Variants in CNTN5 observed in about 807,000 individuals in gnomAD.
CNTN5 encodes the protein contactin-5.
A neutral mutation model predicts 129.1 loss-of-function variants in CNTN5; 77 were observed. That is an observed-to-expected ratio of 0.60 (90% confidence interval 0.50 to 0.72). CNTN5 has a LOEUF of 0.72. Among genes scored for constraint, CNTN5 ranks in the 30% least tolerant of loss-of-function variants. The pLI, the probability that CNTN5 is intolerant of heterozygous loss-of-function variation, is 0.00. For synonymous variants in CNTN5, 509 were observed against 465.6 expected, an observed-to-expected ratio of 1.09 and a Z score of -1.20; for missense variants, 1,478 against 1,328.8, an observed-to-expected ratio of 1.11 and a Z score of -1.75.
intron 1 of CNTN5, among the ~76,000 whole-genome samples, chr11:99,318,529 A>G (rs539476062): frequency 1.3e-5 from 2 of 151,204 alleles, no homozygotes; most frequent in East Asian, 3.9e-4. Flanking sequence ...GTAATTTCAA[A>G]AACTTTTGAG....
intron 6 of CNTN5, among the ~76,000 whole-genome samples, chr11:99,878,712 C>T (rs1296085363): frequency 2.6e-5 from 4 of 151,856 alleles, no homozygotes; most frequent in African/African-American, 7.2e-5. Context: ...AAAAATTAGC[C>T]GGGCGTGGTG....
chr11:100,188,819 G>A (rs778784386), intron 13 of CNTN5, among the ~76,000 whole-genome samples: 7 of 152,044 alleles, frequency 4.6e-5, no homozygotes, highest in Non-Finnish European at 8.8e-5. Flanking sequence ...TGAAGACATC[G>A]ACTCAACCTA....
At chr11:99,659,728 C>T (rs1952526670) in intron 3 of CNTN5, among the ~76,000 whole-genome samples, 1 of 152,050 alleles carries the variant, frequency 6.6e-6, no homozygotes, top group Non-Finnish European at 1.5e-5. Flanking sequence ...GAGACCCACC[C>T]AATCATTATG....
chr11:100,048,070 G>A (rs1426560627), intron 9 of CNTN5, among the ~76,000 whole-genome samples: 1 of 152,140 alleles, frequency 6.6e-6, no homozygotes, highest in Non-Finnish European at 1.5e-5. Context: ...GGCGGAGCTT[G>A]CAGTGAGTCG....
At chr11:100,319,272 C>T (rs1951635910) in intron 21 of CNTN5, among the ~76,000 whole-genome samples, 1 of 152,006 alleles carries the variant, frequency 6.6e-6, no homozygotes, top group Non-Finnish European at 1.5e-5. Context: ...CCTGCCTCAG[C>T]CTCCCAAGTA....
chr11:99,950,603 C>G (rs1488877715), intron 7 of CNTN5, among the ~76,000 whole-genome samples: 2 of 152,178 alleles, frequency 1.3e-5, no homozygotes. Context: ...ATAGATGAAA[C>G]TTTTGACACT....
chr11:99,948,381 G>A (rs1950600137), intron 7 of CNTN5, among the ~76,000 whole-genome samples: 1 of 152,174 alleles, frequency 6.6e-6, no homozygotes, highest in African/African-American at 2.4e-5. Context: ...ATATGGTTAA[G>A]ACTTGCATGG....
intron 3 of CNTN5, among the ~76,000 whole-genome samples, chr11:99,660,383 A>T (rs1952551827): frequency 6.6e-6 from 1 of 152,144 alleles, no homozygotes; most frequent in African/African-American, 2.4e-5. Flanking sequence ...TTTAGGGTTG[A>T]TGAATATGTT....
chr11:99,552,809 T>C (rs553953811), intron 2 of CNTN5, among the ~76,000 whole-genome samples: 7 of 152,246 alleles, frequency 4.6e-5, no homozygotes, highest in Admixed American at 4.6e-4. Flanking sequence ...GATATTTCTT[T>C]CTCTCGCTGG....
At chr11:99,499,363 T>C (rs1946344054) in intron 2 of CNTN5, among the ~76,000 whole-genome samples, 1 of 152,156 alleles carries the variant, frequency 6.6e-6, no homozygotes, top group African/African-American at 2.4e-5. Flanking sequence ...CCCTCATGAA[T>C]AAGATTAAGG....
intron 1 of CNTN5, among the ~76,000 whole-genome samples, chr11:99,219,796 AAGG>A (rs1440848775): frequency 6.6e-6 from 1 of 152,012 alleles, no homozygotes. Context: ...GGATAGAAGC[AAGG>A]AGACCAGTTT....
At chr11:100,041,144 C>G (rs1303594045) in intron 9 of CNTN5, among the ~76,000 whole-genome samples, 1 of 152,120 alleles carries the variant, frequency 6.6e-6, no homozygotes, top group Non-Finnish European at 1.5e-5. Context: ...CTTAAATACA[C>G]TCTTTTTCTC....
chr11:100,285,907 C>T (rs930168712), intron 18 of CNTN5, among the ~76,000 whole-genome samples: 3 of 152,154 alleles, frequency 2.0e-5, no homozygotes, highest in Non-Finnish European at 4.4e-5. Flanking sequence ...GCGCACCGTG[C>T]GCGAGCCGAA....
At chr11:99,745,051 AG>A (rs1245920883) in intron 3 of CNTN5, among the ~76,000 whole-genome samples, 6 of 152,178 alleles carry the variant, frequency 3.9e-5, no homozygotes, top group African/African-American at 1.4e-4. Context: ...GTGGGAAAAA[AG>A]CACACGTAAG....
chr11:100,187,317 A>G (rs1948327686), intron 13 of CNTN5, among the ~76,000 whole-genome samples: 2 of 152,070 alleles, frequency 1.3e-5, no homozygotes, highest in African/African-American at 4.8e-5. Context: ...GTATAGAATC[A>G]GATTGTCAGC....
At chr11:100,327,286 G>C (rs555898629) in intron 21 of CNTN5, among the ~76,000 whole-genome samples, 4 of 152,174 alleles carry the variant, frequency 2.6e-5, no homozygotes, top group East Asian at 1.9e-4. Flanking sequence ...ACAAGATCTG[G>C]CTCCATCTAT....
At chr11:99,953,213 G>T (rs1159586270) in intron 7 of CNTN5, among the ~76,000 whole-genome samples, 1 of 152,044 alleles carries the variant, frequency 6.6e-6, no homozygotes, top group Non-Finnish European at 1.5e-5. Flanking sequence ...TTGTCCACAT[G>T]TGTACTCCTG....
chr11:99,396,339 T>A (rs1198254618), intron 2 of CNTN5, among the ~76,000 whole-genome samples: 6 of 151,666 alleles, frequency 4.0e-5, no homozygotes, highest in Non-Finnish European at 8.9e-5. Flanking sequence ...ATTCTTAAAG[T>A]AACTTTTGTT....
rs184599622 is a variant in CNTN5 at position 99,378,112 on chromosome 11, G to A, written c.-71+52628G>A. ...TACATATAACATGTCTTTGGTTTTG[G>A]AAATTACATAATTTTGTTTCTTACT... is the stretch of plus-strand genomic sequence containing the variant. On this transcript the variant is annotated intron_variant, in intron 2 of 24. Coordinates refer to ENST00000524871, the MANE Select transcript of CNTN5 (RefSeq NM_014361.4). Among the ~76,000 whole-genome samples the A allele has an allele frequency of 2.2e-3, 335 of 152,136 alleles. 3 individuals carry two copies. Among genetic ancestry groups the A allele is most frequent in the African/African-American group, 7.6e-3 (316 of 41,518 alleles).
Sources: gnomAD v4.1 joint callset for allele counts (sites outside exome capture counted in the v4.1 genomes callset) on GRCh38, gnomAD v4.1.1 for gene constraint, MANE v1.5 for transcripts, NCBI Gene and HGNC (gene_info 2026-07-23, HGNC 2026-07-21) for gene names.